The following GCM1 variants were observed in gnomAD, a reference collection of about 807,000 sequenced individuals.
The protein encoded by GCM1 is chorion-specific transcription factor GCMa.
A neutral mutation model predicts 25.7 loss-of-function variants in GCM1; 2 were observed. That is an observed-to-expected ratio of 0.08 (90% CI 0.03 to 0.24). GCM1 has a LOEUF of 0.24. Ranked by LOEUF, GCM1 falls within the 10% of genes least tolerant of loss-of-function variation. The pLI, the probability that GCM1 is intolerant of heterozygous loss-of-function variation, is 1.00. For missense variants in GCM1, 395 were observed against 538.7 expected (o/e 0.73, Z 2.64); for synonymous variants, 183 against 195.7 (o/e 0.94, Z 0.54).
At position 53,144,386 on chromosome 6, in the gene GCM1, C is replaced by T. The variant is rs548848571; in HGVS notation, c.75+1172G>A. Among the ~76,000 whole-genome samples the T allele has an allele frequency of 9.4e-5, 14 of 149,192 alleles. No individual in the cohort carries two copies. In the East Asian group the frequency reaches 2.5e-3, roughly 27 times the overall value. On this transcript the variant is annotated intron_variant, in intron 2 of 5. Coordinates refer to ENST00000259803, the MANE Select transcript of GCM1 (RefSeq NM_003643.4). ...ACTGCAGTGAGCTATGATGGTATCACTGCACTCTGGCCCAGGAGACCAGGC... is the reference window on the plus strand; with the variant it reads ...ACTGCAGTGAGCTATGATGGTATCATTGCACTCTGGCCCAGGAGACCAGGC...
intron 2 of GCM1, among the ~76,000 whole-genome samples, chr6:53,144,625 CTA>C (rs61035371): frequency 0.5 from 23,871 of 47,320 alleles, 2,213 homozygotes; most frequent in East Asian, 0.56. Flanking sequence ...AGCCCTGACT[CTA>C]CACACACACA....
intron 2 of GCM1, among the ~76,000 whole-genome samples, chr6:53,135,111 C>T (rs1235574188): frequency 6.6e-6 from 1 of 152,232 alleles, no homozygotes; most frequent in Admixed American, 6.5e-5. Context: ...TGTGTATGAA[C>T]ATTTGACTAA....
Position 53,127,790 on chromosome 6 carries a change from A to T in GCM1, c.*416T>A, listed in dbSNP as rs1190573256. On this transcript the variant is annotated 3_prime_UTR_variant, in exon 6 of 6. Coordinates refer to ENST00000259803, the MANE Select transcript of GCM1 (RefSeq NM_003643.4). ...ACGCCTGTAATCCCAGCACTTTGGG[A>T]TGGTGAGGTGGGCAGATCACTTGAG... 6.4e-6 allele frequency: 1 copy of T among 155,172 alleles called. No homozygotes were observed. Among genetic ancestry groups the T allele is most frequent in the Non-Finnish European group, 1.4e-5 (1 of 70,370 alleles). The allele number at this position is 155,172 out of a possible 1,614,324, so 9.6% of individuals were successfully genotyped here. A position where few individuals can be genotyped will look rare whatever the true frequency, so the allele number is the denominator to read the frequency against.
chr6:53,133,084 A>G (rs1367566970), intron 3 of GCM1, among the ~76,000 whole-genome samples: 1 of 152,250 alleles, frequency 6.6e-6, no homozygotes, highest in Non-Finnish European at 1.5e-5. Context: ...GGGACCCACA[A>G]GAAGTCCAGT....
At chr6:53,146,564 G>A (rs535569745) in intron 1 of GCM1, among the ~76,000 whole-genome samples, 1 of 152,288 alleles carries the variant, frequency 6.6e-6, no homozygotes, top group Admixed American at 6.5e-5. Flanking sequence ...TAAGGATTAG[G>A]TTTGGTCTCT....
chr6:53,141,877 G>A (rs1415039630), intron 2 of GCM1, among the ~76,000 whole-genome samples: 1 of 150,714 alleles, frequency 6.6e-6, no homozygotes, highest in South Asian at 2.1e-4. Flanking sequence ...TGGGGTGCAC[G>A]CCTGTAGTCC....
Position 53,127,994 on chromosome 6 carries a change from A to C in GCM1, c.*212T>G. 3.0e-6 allele frequency: 1 copy of C among 328,972 alleles called. No individual in the cohort carries two copies. The highest frequency in any genetic ancestry group is 5.1e-6 in the Non-Finnish European group (1 of 196,748). The allele number at this position is 328,972 out of a possible 1,614,324, so 20.4% of individuals were successfully genotyped here. A position where few individuals can be genotyped will look rare whatever the true frequency, so the allele number is the denominator to read the frequency against. ...CAGTGAGCCGAGATGGCGCCACTGC[A>C]TTCCTGCCTGGGCAAAAGAGCAAGA... On this transcript the variant is annotated 3_prime_UTR_variant, in exon 6 of 6. Coordinates refer to ENST00000259803, the MANE Select transcript of GCM1 (RefSeq NM_003643.4).
chr6:53,137,631 A>T (rs1352679649), intron 2 of GCM1, among the ~76,000 whole-genome samples: 1 of 152,096 alleles, frequency 6.6e-6, no homozygotes, highest in Non-Finnish European at 1.5e-5. Context: ...CTACTAAAAA[A>T]ACAAAACAAA....
intron 2 of GCM1, among the ~76,000 whole-genome samples, chr6:53,134,859 G>A (rs1340395761): frequency 2.0e-5 from 3 of 152,106 alleles, no homozygotes; most frequent in South Asian, 4.1e-4. Flanking sequence ...ATAATGTCTC[G>A]TACCACTCTG....
chr6:53,135,007 T>G (rs1734382728), intron 2 of GCM1, among the ~76,000 whole-genome samples: 1 of 152,252 alleles, frequency 6.6e-6, no homozygotes, highest in Admixed American at 6.5e-5. Flanking sequence ...TCTTTAACCC[T>G]ACGTTCACGT....
chr6:53,131,874 G>A (rs1763731362), intron 4 of GCM1, 133 bp downstream of exon 4: 2 of 669,876 alleles, frequency 3.0e-6, no homozygotes, highest in South Asian at 3.4e-5. Context: ...TAGAAGTGCA[G>A]GGGACAGATA....
chr6:53,141,957 T>G (rs115975829), intron 2 of GCM1, among the ~76,000 whole-genome samples: 4,199 of 126,860 alleles, frequency 0.033, 196 homozygotes, highest in African/African-American at 0.12. Context: ...TGAGCTATGA[T>G]TGCGCCACTG....
chr6:53,142,881 A>T (rs1763900634), intron 2 of GCM1, among the ~76,000 whole-genome samples: 1 of 80,400 alleles, frequency 1.2e-5, no homozygotes, highest in African/African-American at 9.2e-5. Flanking sequence ...AAAAAAAAAA[A>T]AAAAAAAAAA....
chr6:53,135,831 T>A (rs1172890848), intron 2 of GCM1, among the ~76,000 whole-genome samples: 4 of 152,112 alleles, frequency 2.6e-5, no homozygotes, highest in Non-Finnish European at 5.9e-5. Context: ...AAAAAGTAAA[T>A]GTCAGTGTCA....
At chr6:53,147,676 G>A (rs952785432) in intron 1 of GCM1, among the ~76,000 whole-genome samples, 2 of 151,876 alleles carry the variant, frequency 1.3e-5, no homozygotes, top group East Asian at 1.9e-4. Flanking sequence ...TGATCCATAC[G>A]TCTCTGTCTC....
At position 53,128,028 on chromosome 6, in the gene GCM1, CAAAAAAAAAAAAA is replaced by C. The variant is rs1223691364; in HGVS notation, c.*165_*177del. On this transcript the variant is annotated 3_prime_UTR_variant, in exon 6 of 6. Transcript: ENST00000259803. Reference sequence around the variant, plus strand: ...TGGGCAAAAGAGCAAGACTCTGTCTCAAAAAAAAAAAAAAAAAAAAAAAAAGAAGGAAAAAAGA... The same window carrying C: ...TGGGCAAAAGAGCAAGACTCTGTCTCAAAAAAAAAAAAGAAGGAAAAAAGA... 75 of 66,444 alleles carry C rather than the reference CAAAAAAAAAAAAA, an allele frequency of 1.1e-3. 4 individuals are homozygous for C. The highest frequency in any genetic ancestry group is 0.019 in the Middle Eastern group (2 of 104). 4.1% of individuals were successfully genotyped at this position (66,444 alleles called of 1,614,324 possible).
At chr6:53,143,309 C>A (rs763635632) in intron 2 of GCM1, among the ~76,000 whole-genome samples, 3 of 152,102 alleles carry the variant, frequency 2.0e-5, no homozygotes, top group Non-Finnish European at 4.4e-5. Flanking sequence ...TTTGGAAATT[C>A]ATGTTGGAAC....
At chr6:53,145,177 T>C (rs1763937237) in intron 2 of GCM1, among the ~76,000 whole-genome samples, 1 of 152,156 alleles carries the variant, frequency 6.6e-6, no homozygotes, top group African/African-American at 2.4e-5. Context: ...GTTAAAACTA[T>C]CACTATAGCA....
intron 5 of GCM1, among the ~76,000 whole-genome samples, 168 bp from the exon 6 acceptor site, chr6:53,129,114 C>T (rs1046249575): frequency 6.6e-6 from 1 of 152,082 alleles, no homozygotes; most frequent in Non-Finnish European, 1.5e-5. Flanking sequence ...ACCACAACCA[C>T]GAAACACTTG....
Sources: allele counts gnomAD v4.1 joint callset (sites outside exome capture counted in the v4.1 genomes callset), GRCh38; gene constraint gnomAD v4.1.1; transcripts MANE v1.5; gene names NCBI Gene and HGNC (gene_info 2026-07-23, HGNC 2026-07-21).